PPM1E: variants seen among roughly 807,000 people sequenced by gnomAD.
The protein encoded by PPM1E is protein phosphatase 1E.
PPM1E carries 20 observed loss-of-function variants against 65.9 expected under a neutral mutation model. The observed-to-expected ratio is 0.30, with a 90% confidence interval of 0.21 to 0.44. The LOEUF (loss-of-function observed/expected upper bound fraction) is 0.44. Ranked by LOEUF, PPM1E falls within the 20% of genes least tolerant of loss-of-function variation. PPM1E has a pLI of 1.00. For missense variants in PPM1E, 713 were observed against 953.1 expected (o/e 0.75, Z 3.32); for synonymous variants, 352 against 374.9 (o/e 0.94, Z 0.70).
intron 1 of PPM1E, among the ~76,000 whole-genome samples, chr17:58,868,568 C>CTTTTT (rs533820677): frequency 3.1e-5 from 4 of 128,314 alleles, no homozygotes; most frequent in Non-Finnish European, 6.5e-5. Flanking sequence ...AATGTCCAGG[C>CTTTTT]TTTTTTTTTT....
intron 1 of PPM1E, among the ~76,000 whole-genome samples, chr17:58,845,214 A>C (rs2050758611): frequency 6.6e-6 from 1 of 151,896 alleles, no homozygotes; most frequent in South Asian, 2.1e-4. Context: ...TCAGGAAGGA[A>C]CCAGGGGTAA....
intron 1 of PPM1E, among the ~76,000 whole-genome samples, chr17:58,948,228 T>C (rs573455086): frequency 6.6e-6 from 1 of 152,294 alleles, no homozygotes; most frequent in South Asian, 2.1e-4. Flanking sequence ...GGCAAAGTTC[T>C]AAAATAGCAT....
At chr17:58,893,175 A>G (rs186265152) in intron 1 of PPM1E, among the ~76,000 whole-genome samples, 1 of 152,344 alleles carries the variant, frequency 6.6e-6, no homozygotes, top group East Asian at 1.9e-4. Flanking sequence ...TAGCAACTTT[A>G]TTCATAATTA....
chr17:58,809,686 C>T (rs573831292), intron 1 of PPM1E, among the ~76,000 whole-genome samples: 58 of 152,146 alleles, frequency 3.8e-4, no homozygotes, highest in Non-Finnish European at 6.0e-4. Flanking sequence ...CCCAGCCCCC[C>T]TCATTTTTTT....
intron 1 of PPM1E, among the ~76,000 whole-genome samples, chr17:58,904,592 G>A (rs1019188609): frequency 1.3e-5 from 2 of 152,036 alleles, no homozygotes; most frequent in Non-Finnish European, 2.9e-5. Context: ...TAGATCAAAT[G>A]GGAATAACTG....
chr17:58,852,969 T>C (rs2050843452), intron 1 of PPM1E, among the ~76,000 whole-genome samples: 1 of 152,146 alleles, frequency 6.6e-6, no homozygotes, highest in Non-Finnish European at 1.5e-5. Flanking sequence ...AATTGGGTGG[T>C]TTGGTTTTTA....
chr17:58,771,134 C>T lies in PPM1E; in HGVS notation c.464+14673C>T, dbSNP rs141447701. Among the ~76,000 whole-genome samples, 150 of 151,814 alleles carry T rather than the reference C, an allele frequency of 9.9e-4. No individual in the cohort carries two copies. The Middle Eastern group carries it at 0.01, about 10-fold the overall frequency. ...CCTCCCAAAGTGCTGGGATTACAGG[C>T]GTGAGCCACCACACCCAGCTATTTT... On this transcript the variant is annotated intron_variant, in intron 1 of 6. Transcript: ENST00000308249.
At chr17:58,824,663 A>G (rs1330980685) in intron 1 of PPM1E, among the ~76,000 whole-genome samples, 4 of 149,954 alleles carry the variant, frequency 2.7e-5, no homozygotes, top group Admixed American at 2.0e-4. Flanking sequence ...ATCTCAGCTC[A>G]CTGCAAGCTC....
chr17:58,784,173 C>G (rs997689359), intron 1 of PPM1E, among the ~76,000 whole-genome samples: 2 of 151,946 alleles, frequency 1.3e-5, no homozygotes, highest in Admixed American at 1.3e-4. Context: ...CAGGTACGCA[C>G]CACCACACCC....
intron 1 of PPM1E, among the ~76,000 whole-genome samples, chr17:58,860,929 T>A (rs977347172): frequency 3.3e-5 from 5 of 151,704 alleles, no homozygotes; most frequent in Non-Finnish European, 7.4e-5. Flanking sequence ...AGAGTGAGAC[T>A]CCGTCTTAAA....
chr17:58,857,891 C>T (rs542265218), intron 1 of PPM1E, among the ~76,000 whole-genome samples: 19 of 152,154 alleles, frequency 1.2e-4, no homozygotes, highest in East Asian at 1.9e-4. Flanking sequence ...GGTAAAATTC[C>T]GTCCAATGTG....
chr17:58,867,871 GT>G (rs1173738826), intron 1 of PPM1E, among the ~76,000 whole-genome samples: 1 of 152,118 alleles, frequency 6.6e-6, no homozygotes, highest in Non-Finnish European at 1.5e-5. Flanking sequence ...GAAAACATGT[GT>G]TCCCTCTAGG....
chr17:58,807,324 T>C (rs2143081344), intron 1 of PPM1E, among the ~76,000 whole-genome samples: 1 of 152,316 alleles, frequency 6.6e-6, no homozygotes, highest in East Asian at 1.9e-4. Flanking sequence ...CTATTGTGTA[T>C]TTCAGGGTGC....
chr17:58,807,462 G>A (rs761365701), intron 1 of PPM1E, among the ~76,000 whole-genome samples: 5 of 152,126 alleles, frequency 3.3e-5, no homozygotes, highest in Non-Finnish European at 5.9e-5. Context: ...GTGGTTTTTG[G>A]TGAATTCTAT....
At chr17:58,773,909 C>T (rs1002406232) in intron 1 of PPM1E, among the ~76,000 whole-genome samples, 2 of 152,024 alleles carry the variant, frequency 1.3e-5, no homozygotes, top group Non-Finnish European at 2.9e-5. Flanking sequence ...TGCCTCTAAT[C>T]CCAGCACTTT....
chr17:58,859,815 G>C (rs1471336016), intron 1 of PPM1E, among the ~76,000 whole-genome samples: 1 of 152,204 alleles, frequency 6.6e-6, no homozygotes, highest in Non-Finnish European at 1.5e-5. Context: ...CCAGCTGCCT[G>C]GCCAATTGTT....
rs138855279 is a variant in PPM1E, at chr17:58,804,976, G to A, written c.464+48515G>A. ...ACTCTGCTATGCCTTCTATCTAACA[G>A]TATTTTTGTACCCATTGACCAATCT... On this transcript the variant is annotated intron_variant, in intron 1 of 6. Transcript: ENST00000308249. Among the ~76,000 whole-genome samples the A allele has an allele frequency of 9.3e-4, 142 of 152,132 alleles. 1 individual carries two copies. The highest frequency in any genetic ancestry group is 3.3e-3 in the African/African-American group (139 of 41,496).
intron 1 of PPM1E, among the ~76,000 whole-genome samples, chr17:58,792,397 A>G (rs137897181): frequency 3.2e-4 from 48 of 151,576 alleles, no homozygotes; most frequent in Non-Finnish European, 5.7e-4. Flanking sequence ...CTGGAGTGCA[A>G]TGGTGTGATC....
chr17:58,932,543 AAAACAAAC>A (rs761875590), intron 1 of PPM1E, among the ~76,000 whole-genome samples: 4 of 152,228 alleles, frequency 2.6e-5, no homozygotes, highest in Admixed American at 6.5e-5. Flanking sequence ...ATAAATTATA[AAAACAAAC>A]AAACAAACAA....
Sources: allele counts gnomAD v4.1 joint callset (sites outside exome capture counted in the v4.1 genomes callset), GRCh38; gene constraint gnomAD v4.1.1; transcripts MANE v1.5; gene names NCBI Gene and HGNC (gene_info 2026-07-23, HGNC 2026-07-21).